CEMIP: variants seen among roughly 807,000 people sequenced by gnomAD.
CEMIP encodes the protein cell migration-inducing and hyaluronan-binding protein.
CEMIP carries 105 observed loss-of-function variants against 156.9 expected under a neutral mutation model. The observed-to-expected ratio is 0.67, with a 90% CI of 0.57 to 0.79. CEMIP has a LOEUF of 0.79. Among genes scored for constraint, CEMIP ranks in the 30% least tolerant of loss-of-function variants. The pLI, the probability that CEMIP is intolerant of heterozygous loss-of-function variation, is 0.00. For missense variants in CEMIP, 1,457 were observed against 1,769.4 expected (o/e 0.82, Z 3.17); for synonymous variants, 676 against 668.4 (o/e 1.01, Z -0.17).
In CEMIP at chr15:80,932,015, C is replaced by A; in HGVS notation, c.2769C>A (p.Thr923=). Residue 923 remains threonine (T), a synonymous_variant, in exon 22 of 30, where the codon ACC becomes ACA. Coordinates refer to ENST00000394685, the MANE Select transcript of CEMIP (RefSeq NM_001293298.2). The surrounding 1 kb of genome is among the most constrained non-coding windows in gnomAD (Gnocchi z 4.5). ...AWQSCPHNNV[T]GIAFEDVPIT... ...AGAGCTGCCCCCATAACAACGTGAC[C>A]GGCATTGCCTTTGAGGACGTTCCGG... is the stretch of plus-strand genomic sequence containing the variant. The A allele has an allele frequency of 6.2e-7, 1 of 1,614,000 alleles. No individual in the cohort carries two copies. The highest frequency in any genetic ancestry group is 8.5e-7 in the Non-Finnish European group (1 of 1,180,040).
chr15:80,862,959 A>T (rs1596141369), intron 1 of CEMIP, among the ~76,000 whole-genome samples: 1 of 152,192 alleles, frequency 6.6e-6, no homozygotes, highest in South Asian at 2.1e-4. Flanking sequence ...CGTGGGCAGC[A>T]CCCTCTCCAG....
rs545105552 is a variant in CEMIP at position 80,880,638 on chromosome 15, G to A, written c.381-262G>A. 1.4e-4 allele frequency among the ~76,000 whole-genome samples: 22 copies of A among 152,282 alleles called. No individual in the cohort carries two copies. The East Asian group carries it at 2.1e-3, about 15-fold the overall frequency. On this transcript the variant is annotated intron_variant, in intron 5 of 29. Coordinates refer to ENST00000394685, the MANE Select transcript of CEMIP (RefSeq NM_001293298.2). Reference sequence around the variant, plus strand: ...TTTAGTAGAGATGGAGTTTCACCACGTTGGCCAGGCTGGTCTTGAACTCCT... The same window carrying A: ...TTTAGTAGAGATGGAGTTTCACCACATTGGCCAGGCTGGTCTTGAACTCCT...
intron 1 of CEMIP, among the ~76,000 whole-genome samples, chr15:80,803,724 G>T (rs373567937): frequency 6.6e-6 from 1 of 152,332 alleles, no homozygotes; most frequent in African/African-American, 2.4e-5. Context: ...GCTAATCTGT[G>T]GCGTGGAAGA....
At position 80,943,023 on chromosome 15, in the gene CEMIP, A is replaced by G; in HGVS notation, c.3778A>G (p.Ser1260Gly). The G allele has an allele frequency of 6.2e-7, 1 of 1,614,206 alleles. No homozygotes were observed. The change falls in exon 28 of 30, where the codon AGC becomes GGC. Residue 1260 changes from serine to glycine, a missense_variant. Transcript: ENST00000394685. ...VIDGNQGRVV[S>G]HTSFRNSILQ... is the part of the protein sequence containing the mutation. Reference sequence around the variant, plus strand: ...TGACGGGAACCAAGGGCGCGTGGTGAGCCACACGAGCTTCAGGAACTCCAT... The same window carrying G: ...TGACGGGAACCAAGGGCGCGTGGTGGGCCACACGAGCTTCAGGAACTCCAT...
Position 80,932,142 on chromosome 15 carries a change from G to C in CEMIP, c.2793+103G>C. The stretch of plus-strand genomic sequence containing the variant: ...TTTGAGCTATTGCCACCACCGCAGG[G>C]GTTGAGAAGCCTCCTCCAACTAGGC... On this transcript the variant is annotated intron_variant, in intron 22 of 29. Transcript: ENST00000394685. This position sits in a 1 kb window ranked among gnomAD's most constrained non-coding sequence, Gnocchi z 4.5. 1.5e-6 allele frequency: 2 copies of C among 1,339,626 alleles called. No homozygotes were observed. The highest frequency in any genetic ancestry group is 2.4e-5 in the South Asian group (2 of 84,574). The allele number at this position is 1,339,626 out of a possible 1,614,324, so 83.0% of individuals were successfully genotyped here. A position where few individuals can be genotyped will look rare whatever the true frequency, so the allele number is the denominator to read the frequency against.
At chr15:80,783,240 G>A (rs567396490) in intron 1 of CEMIP, among the ~76,000 whole-genome samples, 1 of 152,334 alleles carries the variant, frequency 6.6e-6, no homozygotes, top group South Asian at 2.1e-4. Context: ...TGCAGTTATA[G>A]CTCAAAAGAG....
At chr15:80,910,328 G>A (rs997241740) in intron 14 of CEMIP, among the ~76,000 whole-genome samples, 1 of 152,218 alleles carries the variant, frequency 6.6e-6, no homozygotes, top group Non-Finnish European at 1.5e-5. Context: ...TCTCCAGTGT[G>A]CAGCAGGCCT....
rs1357734343 is a variant in CEMIP, at chr15:80,782,822, G to A, written c.-176+3208G>A. 3.9e-5 allele frequency among the ~76,000 whole-genome samples: 6 copies of A among 152,230 alleles called. No individual in the cohort carries two copies. In the East Asian group the frequency reaches 5.8e-4, roughly 15 times the overall value. Reference sequence around the variant, plus strand: ...GCTGGTGACATGAACAGAGCAGGAGGACATGGGGCCTTGGATGACCTTGAA... The same window carrying A: ...GCTGGTGACATGAACAGAGCAGGAGAACATGGGGCCTTGGATGACCTTGAA... On this transcript the variant is annotated intron_variant, in intron 1 of 29. Coordinates refer to ENST00000394685, the MANE Select transcript of CEMIP (RefSeq NM_001293298.2).
intron 1 of CEMIP, among the ~76,000 whole-genome samples, chr15:80,837,175 T>C (rs914928510): frequency 6.6e-6 from 1 of 152,208 alleles, no homozygotes; most frequent in Non-Finnish European, 1.5e-5. Context: ...TACCAGGCCC[T>C]CCTCAGTTAT....
chr15:80,849,937 G>T (rs1325583616), intron 1 of CEMIP, among the ~76,000 whole-genome samples: 1 of 152,226 alleles, frequency 6.6e-6, no homozygotes, highest in African/African-American at 2.4e-5. Context: ...GGTGTGATGA[G>T]TTAGGTAAGG....
At chr15:80,879,632 G>T (rs1445742648) in intron 4 of CEMIP, 84 bp from the exon 5 acceptor site, 4 of 1,535,446 alleles carry the variant, frequency 2.6e-6, no homozygotes, top group African/African-American at 1.4e-5. Context: ...GATGGGGAGT[G>T]CTTAGGGAGT....
intron 1 of CEMIP, among the ~76,000 whole-genome samples, chr15:80,867,804 T>A (rs1898170287): frequency 6.6e-6 from 1 of 152,188 alleles, no homozygotes; most frequent in South Asian, 2.1e-4. Flanking sequence ...ACCAGAGAGA[T>A]GCATTTTTCT....
chr15:80,895,008 G>A lies in CEMIP; in HGVS notation c.1105G>A (p.Val369Ile), dbSNP rs1427716295. 6.2e-7 allele frequency: 1 copy of A among 1,614,042 alleles called. No individual in the cohort carries two copies. Among genetic ancestry groups the A allele is most frequent in the East Asian group, 2.2e-5 (1 of 44,898 alleles). ...TTCCCAGGCCACTACAATGGATGGA[G>A]TTAACCTCAGCACCGAGGTTGTCTA... is the stretch of plus-strand genomic sequence containing the variant. ...IDIQATTMDG[V>I]NLSTEVVYKK... Residue 369 changes from valine (V) to isoleucine (I), a missense_variant, in exon 11 of 30, where the codon GTT becomes ATT. Physicochemically the swap from Val to Ile is conservative, Grantham distance 29 (BLOSUM62 3). This residue lies in a region of CEMIP where 280 missense variants were observed against 300.3 expected (regional missense o/e 0.93). Coordinates refer to ENST00000394685, the MANE Select transcript of CEMIP (RefSeq NM_001293298.2).
chr15:80,949,706 G>A lies in CEMIP; in HGVS notation c.*782G>A, dbSNP rs1901734835. 1 of 153,608 alleles carries A rather than the reference G, an allele frequency of 6.5e-6. No homozygotes were observed. The highest frequency in any genetic ancestry group is 1.5e-5 in the Non-Finnish European group (1 of 68,882). The allele number at this position is 153,608 out of a possible 1,614,324, so 9.5% of individuals were successfully genotyped here. On this transcript the variant is annotated 3_prime_UTR_variant, in exon 30 of 30. Transcript: ENST00000394685. ...CCTAGCTTGAGGGGTCTGCAGTCCA[G>A]TAGGGCAGGCAGTCAGGTCCATGTG...
chr15:80,846,110 G>C (rs1012370953), intron 1 of CEMIP, among the ~76,000 whole-genome samples: 1 of 152,214 alleles, frequency 6.6e-6, no homozygotes, highest in South Asian at 2.1e-4. Flanking sequence ...GCCAGGCCAG[G>C]TGGCAGAGGG....
intron 14 of CEMIP, chr15:80,909,544 T>C (rs1899961334): frequency 1.7e-6 from 1 of 598,144 alleles, no homozygotes; most frequent in Non-Finnish European, 3.1e-6. Flanking sequence ...TTTGTGGTGG[T>C]TTCTGGGAGT....
At chr15:80,879,126 T>C (rs1395771417) in intron 4 of CEMIP, among the ~76,000 whole-genome samples, 1 of 152,226 alleles carries the variant, frequency 6.6e-6, no homozygotes, top group Non-Finnish European at 1.5e-5. Context: ...ATCTTACTTT[T>C]AGAGGCCTGG....
At chr15:80,944,439 A>G (rs1264640848) in intron 28 of CEMIP, among the ~76,000 whole-genome samples, 1 of 152,156 alleles carries the variant, frequency 6.6e-6, no homozygotes, top group East Asian at 1.9e-4. Context: ...TAGTTAAGTG[A>G]GTGTACAGTT....
intron 1 of CEMIP, among the ~76,000 whole-genome samples, chr15:80,858,650 G>C (rs1014644654): frequency 2.0e-5 from 3 of 152,052 alleles, no homozygotes; most frequent in Non-Finnish European, 4.4e-5. Flanking sequence ...CCTTGAACCT[G>C]GGAGGCAGAG....
Sources: allele counts gnomAD v4.1 joint callset (sites outside exome capture counted in the v4.1 genomes callset), GRCh38; gene constraint gnomAD v4.1.1; regional missense constraint gnomAD v4.1.1; non-coding constraint Gnocchi (gnomAD v3.1); transcripts MANE v1.5; gene names NCBI Gene and HGNC (gene_info 2026-07-23, HGNC 2026-07-21).